Variants in ZFAND4 observed in about 807,000 individuals in gnomAD.
ZFAND4 encodes zinc finger AN1-type containing 4, also known as AN1-type zinc finger protein 4.
ZFAND4 carries 43 observed loss-of-function variants against 64.4 expected under a neutral mutation model. The observed-to-expected ratio is 0.67, with a 90% CI of 0.52 to 0.86. The LOEUF (loss-of-function observed/expected upper bound fraction) is 0.86, where lower values mean the gene tolerates loss of function less well. ZFAND4 is among the 40% of genes least tolerant of loss of function. The pLI is 0.00. For missense variants in ZFAND4, 929 were observed against 859.8 expected (o/e 1.08, Z -1.01); for synonymous variants, 296 against 305.7 (o/e 0.97, Z 0.33).
intron 5 of ZFAND4, 136 bp downstream of exon 5, chr10:45,648,158 T>C (rs972171341): frequency 2.3e-6 from 2 of 880,542 alleles, no homozygotes; most frequent in Admixed American, 7.4e-5. Context: ...AAAACCTCAG[T>C]TTTATCATAT....
Position 45,621,713 on chromosome 10 carries a change from G to T in ZFAND4, c.1927+2870C>A, listed in dbSNP as rs2045441303. ...GCCGAGATCGTGCCACCGCACTCCA[G>T]CCTGGGAGACAGAGTGAGACTCCAC... On this transcript the variant is annotated intron_variant, in intron 8 of 9. Coordinates refer to ENST00000344646, the MANE Select transcript of ZFAND4 (RefSeq NM_174890.4). Among the ~76,000 whole-genome samples, 5 of 152,074 alleles carry T rather than the reference G, an allele frequency of 3.3e-5. 1 individual carries two copies. The South Asian group carries it at 1.0e-3, about 31-fold the overall frequency.
chr10:45,635,214 C>CAAAAAAAAAAAAA (rs76130878), intron 6 of ZFAND4, among the ~76,000 whole-genome samples: 1 of 68,256 alleles, frequency 1.5e-5, no homozygotes, highest in Non-Finnish European at 2.9e-5. Flanking sequence ...AAAAAAAAAA[C>CAAAAAAAAAAAAA]AAAAAAAAAA....
intron 6 of ZFAND4, among the ~76,000 whole-genome samples, chr10:45,627,631 G>T (rs1343769063): frequency 6.6e-6 from 1 of 152,122 alleles, no homozygotes; most frequent in East Asian, 1.9e-4. Context: ...GATAAGAGTC[G>T]TTCATTGTGC....
In ZFAND4 at chr10:45,616,522, A is replaced by C. The variant is rs2044954713; in HGVS notation, c.2098T>G (p.Cys700Gly). 1 of 1,614,074 alleles carries C rather than the reference A, an allele frequency of 6.2e-7. No homozygotes were observed. Among genetic ancestry groups the C allele is most frequent in the African/African-American group, 1.3e-5 (1 of 74,922 alleles). ...ASHRYAETHG[C>G]TYDYKSAGRR... ...CCTGCACTCTTGTAATCATAGGTAC[A>C]GCCATGAGTTTCTGCATAACGATGA... is the stretch of plus-strand genomic sequence containing the variant. Residue 700 changes from cysteine to glycine, a missense_variant, in exon 10 of 10, where the codon TGT (cysteine) becomes GGT (glycine). By Grantham distance (159) the Cys-to-Gly change is radical (BLOSUM62 -3). Transcript: ENST00000344646.
At chr10:45,668,747 C>T (rs1056783516) in intron 1 of ZFAND4, among the ~76,000 whole-genome samples, 1 of 152,198 alleles carries the variant, frequency 6.6e-6, no homozygotes, top group African/African-American at 2.4e-5. Flanking sequence ...AAGAAACTCA[C>T]TCAAAACTGC....
chr10:45,642,756 C>T (rs900354605), intron 5 of ZFAND4, among the ~76,000 whole-genome samples: 13 of 150,910 alleles, frequency 8.6e-5, no homozygotes, highest in African/African-American at 3.2e-4. Context: ...AGTTAGAATC[C>T]AATCACAAAT....
intron 2 of ZFAND4, among the ~76,000 whole-genome samples, chr10:45,658,023 G>C (rs1387359438): frequency 6.6e-6 from 1 of 152,166 alleles, no homozygotes; most frequent in Non-Finnish European, 1.5e-5. Context: ...CTGTATGATA[G>C]TAAATGTCTG....
chr10:45,670,521 T>C (rs2049111853), intron 1 of ZFAND4, among the ~76,000 whole-genome samples: 1 of 152,174 alleles, frequency 6.6e-6, no homozygotes, highest in African/African-American at 2.4e-5. Context: ...ATTACAGGCG[T>C]AAGCCACTGT....
At chr10:45,643,162 C>T (rs1332111811) in intron 5 of ZFAND4, among the ~76,000 whole-genome samples, 4 of 150,970 alleles carry the variant, frequency 2.6e-5, no homozygotes, top group Admixed American at 6.6e-5. Context: ...TCAGGTGATC[C>T]GCCTGCCTCT....
chr10:45,653,225 T>A (rs1564617428), intron 2 of ZFAND4, among the ~76,000 whole-genome samples, 166 bp from the exon 3 acceptor site: 1 of 152,178 alleles, frequency 6.6e-6, no homozygotes, highest in Non-Finnish European at 1.5e-5. Context: ...GTAGAAGGCA[T>A]GCCTAAAAGG....
chr10:45,618,375 T>TAGCAC, intron 8 of ZFAND4, 115 bp from the exon 9 acceptor site: 1 of 1,291,754 alleles, frequency 7.7e-7, no homozygotes, highest in Non-Finnish European at 1.1e-6. Context: ...GCCATAAAAA[T>TAGCAC]TAATTTGTGC....
chr10:45,664,865 A>G (rs1449450896), intron 1 of ZFAND4, among the ~76,000 whole-genome samples: 1 of 152,024 alleles, frequency 6.6e-6, no homozygotes, highest in Non-Finnish European at 1.5e-5. Context: ...CGGGAGGCAG[A>G]GCTTGCGGTG....
rs199552104 is a variant in ZFAND4 at position 45,663,710 on chromosome 10, C to G, written c.16G>C (p.Glu6Gln). MDNRK[E>Q]PPFFNDDNMG... Reference sequence around the variant, plus strand: ...TTATCATCATTGAAGAATGGAGGCTCTTTTCTGTTATCCATTACTTTGACT... The same window carrying G: ...TTATCATCATTGAAGAATGGAGGCTGTTTTCTGTTATCCATTACTTTGACT... Residue 6 changes from glutamate to glutamine, a missense_variant, in exon 2 of 10, where the codon GAG (glutamate) becomes CAG (glutamine). Coordinates refer to ENST00000344646, the MANE Select transcript of ZFAND4 (RefSeq NM_174890.4). The G allele has an allele frequency of 6.3e-7, 1 of 1,599,554 alleles. No homozygotes were observed. The highest frequency in any genetic ancestry group is 1.3e-5 in the African/African-American group (1 of 74,084).
chr10:45,632,608 A>C (rs2046302471), intron 6 of ZFAND4, among the ~76,000 whole-genome samples: 1 of 152,178 alleles, frequency 6.6e-6, no homozygotes, highest in African/African-American at 2.4e-5. Context: ...GCAGATCAAG[A>C]ACATGATAAA....
At chr10:45,632,856 C>G (rs1269169137) in intron 6 of ZFAND4, among the ~76,000 whole-genome samples, 1 of 152,072 alleles carries the variant, frequency 6.6e-6, no homozygotes, top group Non-Finnish European at 1.5e-5. Flanking sequence ...CAAAAACCAA[C>G]TCTATAGTGT....
At chr10:45,650,569 C>T (rs1410223392) in intron 4 of ZFAND4, 1 of 151,730 alleles carries the variant, frequency 6.6e-6, no homozygotes, top group African/African-American at 2.4e-5. Flanking sequence ...GTATCACACT[C>T]CTCATAAACA....
Position 45,626,189 on chromosome 10 carries a change from T to C in ZFAND4, c.1634A>G (p.Glu545Gly). ...AGTCATTTCTGTGATATCCCGAGCC[T>C]CAACTTTGGAAATAACATCAGATCT... The part of the protein sequence containing the change: ...GKRSDVISKV[E>G]ARDITEMTNK... The change falls in exon 7 of 10, where the codon GAG (glutamate) becomes GGG (glycine). Residue 545 changes from glutamate to glycine, a missense_variant. Coordinates refer to ENST00000344646, the MANE Select transcript of ZFAND4 (RefSeq NM_174890.4). 1 of 1,614,184 alleles carries C rather than the reference T, an allele frequency of 6.2e-7. No homozygotes were observed. The highest frequency in any genetic ancestry group is 1.1e-5 in the South Asian group (1 of 91,084).
intron 2 of ZFAND4, among the ~76,000 whole-genome samples, chr10:45,654,711 A>T (rs1173099807): frequency 6.6e-6 from 1 of 152,158 alleles, no homozygotes; most frequent in Admixed American, 6.6e-5. Flanking sequence ...AGCTATTCTT[A>T]TATCAGAGAA....
chr10:45,670,925 A>G (rs2049141905), intron 1 of ZFAND4, among the ~76,000 whole-genome samples: 1 of 152,230 alleles, frequency 6.6e-6, no homozygotes, highest in Non-Finnish European at 1.5e-5. Context: ...AAATTTTGCA[A>G]TCTACCCATC....
Sources: gnomAD v4.1 joint callset for allele counts (sites outside exome capture counted in the v4.1 genomes callset) on GRCh38, gnomAD v4.1.1 for gene constraint, MANE v1.5 for transcripts, NCBI Gene and HGNC (gene_info 2026-07-23, HGNC 2026-07-21) for gene names.